The following ARHGAP10 variants were observed in gnomAD, a reference collection of about 807,000 sequenced individuals.
ARHGAP10 encodes the protein Rho GTPase activating protein 10, also known as rho GTPase-activating protein 10.
In ARHGAP10, 87 loss-of-function variants were observed where a neutral mutation model predicts 108.6. The ratio of observed to expected loss-of-function variants is 0.80; its 90% CI spans 0.67 to 0.96. The LOEUF (loss-of-function observed/expected upper bound fraction) is 0.96. ARHGAP10 is among the 40% of genes least tolerant of loss of function. ARHGAP10 has a pLI of 0.00. For synonymous variants in ARHGAP10, 347 were observed against 341.1 expected, an observed-to-expected ratio of 1.02 and a Z score of -0.19; for missense variants, 939 against 954.5, an observed-to-expected ratio of 0.98 and a Z score of 0.21.
At chr4:147,994,593 A>G (rs17024245) in intron 18 of ARHGAP10, among the ~76,000 whole-genome samples, 5,221 of 152,284 alleles carry the variant, frequency 0.034, 153 homozygotes, top group South Asian at 0.1. Flanking sequence ...CTCAAAATGT[A>G]GATCGTAATC....
Position 147,912,645 on chromosome 4 carries a change from CTTTTTTTTTTTT to C in ARHGAP10, c.1163-415_1163-404del, listed in dbSNP as rs70958594. Among the ~76,000 whole-genome samples the C allele has an allele frequency of 2.8e-4, 10 of 35,314 alleles. 1 individual carries two copies. Among genetic ancestry groups the C allele is most frequent in the African/African-American group, 1.0e-3 (8 of 7,684 alleles). 23.2% of individuals were successfully genotyped at this position (35,314 alleles called of 152,430 possible). On this transcript the variant is annotated intron_variant, in intron 12 of 22. Coordinates refer to ENST00000336498, the MANE Select transcript of ARHGAP10 (RefSeq NM_024605.4). The stretch of plus-strand genomic sequence containing the variant: ...TAAATAGGAAATACATAGCCTTAAG[CTTTTTTTTTTTT>C]TTTTTTTTTTTTTGGGGAGACAGGG...
intron 1 of ARHGAP10, among the ~76,000 whole-genome samples, chr4:147,793,511 T>C (rs531720683): frequency 1.3e-5 from 2 of 151,632 alleles, no homozygotes; most frequent in African/African-American, 4.8e-5. Context: ...AAAGGAGGAG[T>C]TGGACCTGGG....
chr4:147,856,458 G>A (rs1734084794), intron 4 of ARHGAP10, among the ~76,000 whole-genome samples: 1 of 152,176 alleles, frequency 6.6e-6, no homozygotes, highest in Non-Finnish European at 1.5e-5. Context: ...TCTGAAATCC[G>A]ATATGCTCCA....
At chr4:148,042,963 G>A (rs1728697982) in intron 19 of ARHGAP10, among the ~76,000 whole-genome samples, 1 of 152,088 alleles carries the variant, frequency 6.6e-6, no homozygotes, top group Admixed American at 6.5e-5. Context: ...GCTATTTCTT[G>A]TGGCAGTGGC....
At chr4:147,774,720 C>T (rs1408772845) in intron 1 of ARHGAP10, among the ~76,000 whole-genome samples, 1 of 152,070 alleles carries the variant, frequency 6.6e-6, no homozygotes, top group Non-Finnish European at 1.5e-5. Flanking sequence ...GTGTGTGTTT[C>T]GTTTCTTCCT....
At chr4:147,996,818 T>C (rs899833795) in intron 18 of ARHGAP10, among the ~76,000 whole-genome samples, 4 of 152,172 alleles carry the variant, frequency 2.6e-5, no homozygotes, top group African/African-American at 4.8e-5. Flanking sequence ...ATAGGCCTGG[T>C]GTCCTTAAGA....
At chr4:148,066,205 G>C (rs937809379) in intron 22 of ARHGAP10, among the ~76,000 whole-genome samples, 1 of 152,104 alleles carries the variant, frequency 6.6e-6, no homozygotes, top group Non-Finnish European at 1.5e-5. Flanking sequence ...ACACTCTGGC[G>C]GAAGGAGGTG....
At chr4:147,957,362 G>A (rs1309662391) in intron 16 of ARHGAP10, among the ~76,000 whole-genome samples, 1 of 152,128 alleles carries the variant, frequency 6.6e-6, no homozygotes, top group Non-Finnish European at 1.5e-5. Flanking sequence ...TAGAGAGTGT[G>A]GGAACAGATC....
intron 1 of ARHGAP10, among the ~76,000 whole-genome samples, chr4:147,801,968 G>T (rs1379577218): frequency 1.3e-5 from 2 of 152,204 alleles, no homozygotes; most frequent in African/African-American, 4.8e-5. Flanking sequence ...GGGATGGGAG[G>T]CATTGATTTC....
intron 4 of ARHGAP10, among the ~76,000 whole-genome samples, chr4:147,856,704 A>G (rs111500152): frequency 0.054 from 8,295 of 152,272 alleles, 289 homozygotes; most frequent in Middle Eastern, 0.095. Context: ...ATTCAAAAAT[A>G]TCCAAAAATC....
chr4:147,818,427 G>T (rs1311443039), intron 1 of ARHGAP10, among the ~76,000 whole-genome samples: 2 of 152,026 alleles, frequency 1.3e-5, no homozygotes, highest in African/African-American at 4.8e-5. Context: ...TTAGCTGGGG[G>T]TGATGGCATA....
chr4:148,067,345 A>G (rs1163507918), intron 22 of ARHGAP10, among the ~76,000 whole-genome samples: 2 of 152,218 alleles, frequency 1.3e-5, no homozygotes, highest in Non-Finnish European at 2.9e-5. Context: ...TTAGCTAGTT[A>G]AAAGCAGGTG....
chr4:147,997,021 C>T (rs1740502782), intron 18 of ARHGAP10, among the ~76,000 whole-genome samples: 1 of 152,124 alleles, frequency 6.6e-6, no homozygotes, highest in African/African-American at 2.4e-5. Flanking sequence ...CAGCCCCAGC[C>T]GACTAATAAC....
intron 3 of ARHGAP10, 27 bp from the exon 4 acceptor site, chr4:147,847,124 T>C: frequency 6.3e-7 from 1 of 1,585,780 alleles, no homozygotes; most frequent in Non-Finnish European, 8.6e-7. Flanking sequence ...AATGCTGTGC[T>C]CTTTTGTTAT....
intron 13 of ARHGAP10, among the ~76,000 whole-genome samples, chr4:147,923,879 A>T (rs1424669032): frequency 6.6e-6 from 1 of 152,246 alleles, no homozygotes; most frequent in African/African-American, 2.4e-5. Flanking sequence ...AACCTGAAAC[A>T]TATTTTACCA....
chr4:147,935,948 A>G lies in ARHGAP10; in HGVS notation c.1229-3877A>G, dbSNP rs1409949336. Among the ~76,000 whole-genome samples the G allele has an allele frequency of 3.3e-5, 5 of 152,280 alleles. No individual in the cohort carries two copies. The East Asian group carries it at 9.7e-4, about 29-fold the overall frequency. On this transcript the variant is annotated intron_variant, in intron 13 of 22. Transcript: ENST00000336498. ...AGGTTGATGAATTTGAACTTGATCA[A>G]TTATTTGATAGTAATTACTGGCACA...
chr4:147,893,604 T>G (rs1735877004), intron 10 of ARHGAP10, among the ~76,000 whole-genome samples: 1 of 148,282 alleles, frequency 6.7e-6, no homozygotes, highest in South Asian at 2.1e-4. Flanking sequence ...ATATAATCTA[T>G]ATATAGAACT....
intron 13 of ARHGAP10, among the ~76,000 whole-genome samples, chr4:147,932,540 A>G (rs1289598683): frequency 2.0e-5 from 3 of 152,138 alleles, no homozygotes; most frequent in Non-Finnish European, 4.4e-5. Flanking sequence ...TTTCTTAGCA[A>G]AGTAATGCAG....
chr4:147,993,056 A>G (rs921899164), intron 18 of ARHGAP10, among the ~76,000 whole-genome samples: 2 of 152,206 alleles, frequency 1.3e-5, no homozygotes, highest in Non-Finnish European at 2.9e-5. Context: ...TATCTTACCT[A>G]TGCATACCTA....
Sources: allele counts gnomAD v4.1 joint callset (sites outside exome capture counted in the v4.1 genomes callset), GRCh38; gene constraint gnomAD v4.1.1; transcripts MANE v1.5; gene names NCBI Gene and HGNC (gene_info 2026-07-23, HGNC 2026-07-21).